The following ZNF215 variants were observed in gnomAD, a reference collection of about 807,000 sequenced individuals.
ZNF215 encodes zinc finger protein 215.
Under a neutral mutation model 27.2 loss-of-function variants are expected in ZNF215, and 24 were observed. That is an observed-to-expected ratio of 0.88 (90% CI 0.64 to 1.24). The LOEUF (loss-of-function observed/expected upper bound fraction) is 1.24, where lower values mean the gene tolerates loss of function less well. ZNF215 is among the 50% of genes most tolerant of loss of function. The probability of loss-of-function intolerance (pLI) is 0.00; values close to 1 mark genes in which losing one functional copy is unlikely to be tolerated. For missense variants in ZNF215, 675 were observed against 605.7 expected, an observed-to-expected ratio of 1.11 and a Z score of -1.20; for synonymous variants, 210 against 204.0, an observed-to-expected ratio of 1.03 and a Z score of -0.25.
chr11:6,976,892 C>T (rs969761982), intron 5 of ZNF215, among the ~76,000 whole-genome samples: 2 of 152,044 alleles, frequency 1.3e-5, no homozygotes. Context: ...TGATATCAGA[C>T]GTCTGAAATC....
At chr11:6,933,794 CAAAAAA>C (rs55667332) in intron 3 of ZNF215, among the ~76,000 whole-genome samples, 4 of 87,936 alleles carry the variant, frequency 4.5e-5, no homozygotes, top group Admixed American at 1.2e-4. Flanking sequence ...GACTCCATCT[CAAAAAA>C]AAAAAAAAAA....
At chr11:6,987,648 CTTA>C (rs2133363948), downstream of ZNF215, among the ~76,000 whole-genome samples, 1 of 152,274 alleles carries the variant, frequency 6.6e-6, no homozygotes, top group South Asian at 2.1e-4. Context: ...TGCCCTGCAG[CTTA>C]TTAACTCAGA....
rs370053217 is a variant in ZNF215, at chr11:6,941,090, G to A, written c.401-481G>A. Among the ~76,000 whole-genome samples the A allele has an allele frequency of 8.5e-5, 13 of 152,282 alleles. No homozygotes were observed. The East Asian group carries it at 2.5e-3, about 29-fold the overall frequency. On this transcript the variant is annotated intron_variant, in intron 3 of 6. Transcript: ENST00000278319. ...TTTGAAAGAAGCAATAGTTCAAGGT[G>A]GACAGGTTGCTTAGGTCTATGTATA...
At chr11:6,986,448 C>T (rs1851054446), downstream of ZNF215, among the ~76,000 whole-genome samples, 1 of 152,062 alleles carries the variant, frequency 6.6e-6, no homozygotes, top group Non-Finnish European at 1.5e-5. Flanking sequence ...CTAGGAAACA[C>T]CCTTCTTGAT....
chr11:6,929,490 T>C (rs148084475), intron 2 of ZNF215, among the ~76,000 whole-genome samples: 1 of 152,330 alleles, frequency 6.6e-6, no homozygotes, highest in Non-Finnish European at 1.5e-5. Context: ...CTTAGGCTTC[T>C]CTTGGCTGTG....
chr11:6,932,754 T>C (rs1849310955), intron 3 of ZNF215, 82 bp downstream of exon 3: 2 of 1,336,126 alleles, frequency 1.5e-6, no homozygotes, highest in Admixed American at 4.8e-5. Flanking sequence ...GGCCAGAGAG[T>C]ATCAAGTGCC....
exon 6 of ZNF215, chr11:6,984,558 T>C (rs1309027539): frequency 6.6e-6 from 1 of 152,490 alleles, no homozygotes; most frequent in African/African-American, 2.4e-5. Flanking sequence ...TGGAATTAGG[T>C]CAAATATTTA....
At chr11:6,963,536 C>T (rs1169016583) in intron 5 of ZNF215, among the ~76,000 whole-genome samples, 3 of 151,890 alleles carry the variant, frequency 2.0e-5, no homozygotes, top group African/African-American at 7.3e-5. Flanking sequence ...CATTCATTCA[C>T]CAGTTGAAAG....
chr11:6,945,620 A>G (rs1849790475), intron 6 of ZNF215, among the ~76,000 whole-genome samples: 1 of 152,212 alleles, frequency 6.6e-6, no homozygotes, highest in African/African-American at 2.4e-5. Context: ...AGCAAGTCAC[A>G]CTGTTAACTA....
downstream of ZNF215, among the ~76,000 whole-genome samples, chr11:6,989,882 T>C (rs956320151): frequency 1.3e-5 from 2 of 152,124 alleles, no homozygotes; most frequent in African/African-American, 4.8e-5. Flanking sequence ...CCTGCAACCA[T>C]AGGGAGAACC....
At chr11:6,950,036 T>C (rs2133261762) in intron 6 of ZNF215, among the ~76,000 whole-genome samples, 1 of 151,888 alleles carries the variant, frequency 6.6e-6, no homozygotes, top group Non-Finnish European at 1.5e-5. Flanking sequence ...AAAGATCAGA[T>C]AGTTGTAGAT....
intron 5 of ZNF215, among the ~76,000 whole-genome samples, chr11:6,982,792 A>G (rs1178371344): frequency 6.6e-6 from 1 of 152,100 alleles, no homozygotes; most frequent in Non-Finnish European, 1.5e-5. Flanking sequence ...CTAAATGCCC[A>G]CAAGAGAAAG....
chr11:6,971,985 T>G (rs1295366287), intron 5 of ZNF215, among the ~76,000 whole-genome samples: 1 of 152,178 alleles, frequency 6.6e-6, no homozygotes, highest in African/African-American at 2.4e-5. Context: ...ACTGTAAGGT[T>G]GTTTTTGCCA....
chr11:6,975,086 A>T (rs10742997), intron 5 of ZNF215, among the ~76,000 whole-genome samples: 98,879 of 151,728 alleles, frequency 0.65, 32,255 homozygotes, highest in South Asian at 0.79. Flanking sequence ...TAATTTATTG[A>T]GAGTTTTTAG....
chr11:6,981,691 A>G (rs960510527), intron 5 of ZNF215, among the ~76,000 whole-genome samples: 5 of 152,152 alleles, frequency 3.3e-5, no homozygotes, highest in Admixed American at 2.0e-4. Context: ...GCCCATGCCT[A>G]TGTCTTGAAT....
At chr11:6,979,243 A>G (rs1376707572) in intron 5 of ZNF215, among the ~76,000 whole-genome samples, 1 of 152,016 alleles carries the variant, frequency 6.6e-6, no homozygotes, top group Non-Finnish European at 1.5e-5. Context: ...TTCCAAGAAT[A>G]TCAGGGACAA....
Position 6,956,315 on chromosome 11 carries a change from A to C in ZNF215, c.1338A>C (p.Lys446Asn). 3 of 1,614,208 alleles carry C rather than the reference A, an allele frequency of 1.9e-6. No individual in the cohort carries two copies. Among genetic ancestry groups the C allele is most frequent in the Non-Finnish European group, 2.5e-6 (3 of 1,180,024 alleles). Residue 446 changes from lysine to asparagine, a missense_variant, in exon 7 of 7, where the codon AAA becomes AAC. Physicochemically the swap from Lys to Asn is moderately conservative, Grantham distance 94 (BLOSUM62 0). Coordinates refer to ENST00000278319, the MANE Select transcript of ZNF215 (RefSeq NM_013250.4). ...TSNKCGKAFS[K>N]SEDSNNPTLH... is the part of the protein sequence containing the mutation. ...ATAAATGTGGAAAGGCCTTCAGTAA[A>C]AGTGAAGACAGTAATAATCCAACAC...
chr11:6,954,212 T>C (rs1198942563), intron 6 of ZNF215, among the ~76,000 whole-genome samples: 1 of 152,146 alleles, frequency 6.6e-6, no homozygotes, highest in Non-Finnish European at 1.5e-5. Flanking sequence ...GGAGGCAGTC[T>C]GCCCGTTCTC....
downstream of ZNF215, among the ~76,000 whole-genome samples, chr11:6,962,418 A>T (rs1262700364): frequency 6.6e-6 from 1 of 152,100 alleles, no homozygotes; most frequent in African/African-American, 2.4e-5. Context: ...TAGAAGGGAG[A>T]ATAGAGGATA....
Sources: allele counts gnomAD v4.1 joint callset (sites outside exome capture counted in the v4.1 genomes callset), GRCh38; gene constraint gnomAD v4.1.1; transcripts MANE v1.5; gene names NCBI Gene and HGNC (gene_info 2026-07-23, HGNC 2026-07-21).